Variants in PARVB observed in about 807,000 individuals in gnomAD.
PARVB encodes the protein parvin beta, also known as beta-parvin.
PARVB carries 46 observed loss-of-function variants against 47.0 expected under a neutral mutation model. The ratio of observed to expected loss-of-function variants is 0.98; its 90% confidence interval spans 0.77 to 1.25. PARVB has a LOEUF of 1.25. PARVB is among the 50% of genes most tolerant of loss of function. The pLI, the probability that PARVB is intolerant of heterozygous loss-of-function variation, is 0.00. For synonymous variants in PARVB, 196 were observed against 196.3 expected (o/e 1.00, Z 0.01); for missense variants, 473 against 471.6 (o/e 1.00, Z -0.03).
At chr22:44,166,507 C>T (rs1222138276) in intron 12 of PARVB, among the ~76,000 whole-genome samples, 5 of 152,218 alleles carry the variant, frequency 3.3e-5, no homozygotes, top group Non-Finnish European at 5.9e-5. Context: ...CCCCTGAGCC[C>T]GGATGTGTTT....
intron 3 of PARVB, chr22:44,107,205 T>C (rs1213130024): frequency 1.3e-5 from 2 of 152,274 alleles, no homozygotes; most frequent in African/African-American, 4.8e-5. Context: ...TCATCTTTGC[T>C]GGTGTTTCTT....
chr22:44,151,512 G>T lies in PARVB; in HGVS notation c.804G>T (p.Leu268=). 1 of 1,613,986 alleles carries T rather than the reference G, an allele frequency of 6.2e-7. No individual in the cohort carries two copies. Among genetic ancestry groups the T allele is most frequent in the South Asian group, 1.1e-5 (1 of 91,066 alleles). Residue 268 remains leucine (L), a synonymous_variant, in exon 10 of 13, where the codon CTG becomes CTT. Transcript: ENST00000338758. ...KSLITFVNKH[L]NKLNLEVTEL... ...TCATCACTTTTGTGAACAAGCACCT[G>T]AACAAGCTGAATTTGGAGGTGACGG...
At position 44,119,277 on chromosome 22, in the gene PARVB, G is replaced by C; in HGVS notation, c.376+137G>C. ...TCAAAGCTGCAGTGTGCATCTCCCA[G>C]GTGGTGCCCAGGCCCTGGGCTGTGG... On this transcript the variant is annotated intron_variant, in intron 4 of 12. Coordinates refer to ENST00000338758, the MANE Select transcript of PARVB (RefSeq NM_013327.5). 9 of 683,686 alleles carry C rather than the reference G, an allele frequency of 1.3e-5. 1 individual carries two copies. In the South Asian group the frequency reaches 1.5e-4, roughly 11 times the overall value. 42.4% of individuals were successfully genotyped at this position (683,686 alleles called of 1,614,324 possible).
At chr22:44,028,367 T>C (rs2050768949) in intron 1 of PARVB, among the ~76,000 whole-genome samples, 1 of 152,172 alleles carries the variant, frequency 6.6e-6, no homozygotes, top group Non-Finnish European at 1.5e-5. Flanking sequence ...TGTTTTTGCC[T>C]TTTCCAGACT....
intron 2 of PARVB, among the ~76,000 whole-genome samples, chr22:44,098,224 C>T (rs1214158040): frequency 6.6e-6 from 1 of 152,178 alleles, no homozygotes. Flanking sequence ...TCCTGCACCC[C>T]CTCTCATACA....
At chr22:44,003,415 A>G (rs2050432636) in intron 2 of PARVB, among the ~76,000 whole-genome samples, 1 of 152,152 alleles carries the variant, frequency 6.6e-6, no homozygotes, top group Non-Finnish European at 1.5e-5. Context: ...TTGACTTGAC[A>G]TCCATTCCAC....
chr22:44,110,129 A>G (rs1455115587), intron 3 of PARVB: 2 of 142,752 alleles, frequency 1.4e-5, no homozygotes, highest in East Asian at 2.1e-4. Context: ...AAAAAAAAAA[A>G]AAAAAAAAAA....
In PARVB at chr22:44,134,869, C is replaced by T. The variant is rs543054094; in HGVS notation, c.634-1591C>T. On this transcript the variant is annotated intron_variant, in intron 6 of 12. Transcript: ENST00000338758. ...ATAAAACCAAGATTTTACTACAAAC[C>T]TGTAAAACATCCAGCTTCATGTCTA... Among the ~76,000 whole-genome samples the T allele has an allele frequency of 2.0e-5, 3 of 152,346 alleles. No individual in the cohort carries two copies. The East Asian group carries it at 5.8e-4, about 29-fold the overall frequency.
intron 1 of PARVB, among the ~76,000 whole-genome samples, chr22:44,034,189 C>G (rs2050873880): frequency 6.7e-6 from 1 of 149,106 alleles, no homozygotes. Context: ...ACTGCAACAG[C>G]AATTATAATT....
At chr22:44,081,797 T>C (rs2051907487) in intron 1 of PARVB, among the ~76,000 whole-genome samples, 1 of 152,152 alleles carries the variant, frequency 6.6e-6, no homozygotes, top group Non-Finnish European at 1.5e-5. Context: ...TGGCATCCTC[T>C]TCTGAGAATT....
At chr22:44,015,131 G>A (rs1227379251) in intron 2 of PARVB, among the ~76,000 whole-genome samples, 2 of 151,026 alleles carry the variant, frequency 1.3e-5, no homozygotes, top group Non-Finnish European at 2.9e-5. Flanking sequence ...GATTACAGGC[G>A]CGAGCCACTG....
rs558401683 is a variant in PARVB at position 44,077,723 on chromosome 22, G to T, written c.113-16205G>T. ...TTTAAACCTTAGCAATGATATTGGA[G>T]GGGGATAGTTACTCTTTTTTTTTCT... is the stretch of plus-strand genomic sequence containing the variant. On this transcript the variant is annotated intron_variant, in intron 1 of 12. Coordinates refer to ENST00000338758, the MANE Select transcript of PARVB (RefSeq NM_013327.5). Among the ~76,000 whole-genome samples, 26 of 152,266 alleles carry T rather than the reference G, an allele frequency of 1.7e-4. No homozygotes were observed. In the South Asian group the frequency reaches 5.4e-3, roughly 32 times the overall value.
intron 3 of PARVB, among the ~76,000 whole-genome samples, chr22:44,116,438 C>T (rs893945371): frequency 3.3e-5 from 5 of 152,200 alleles, no homozygotes; most frequent in Non-Finnish European, 7.3e-5. Flanking sequence ...TGTGGGCGTC[C>T]GTGTGTCTCT....
intron 4 of PARVB, among the ~76,000 whole-genome samples, chr22:44,126,316 A>G (rs1217916393): frequency 1.3e-5 from 2 of 152,234 alleles, no homozygotes; most frequent in Non-Finnish European, 2.9e-5. Context: ...TGAAATGTTC[A>G]TCAAGATTGT....
intron 2 of PARVB, among the ~76,000 whole-genome samples, chr22:44,096,156 C>T (rs536935270): frequency 3.9e-5 from 6 of 152,134 alleles, no homozygotes; most frequent in South Asian, 2.1e-4. Flanking sequence ...ATCCAGGAGG[C>T]GGAGGTTGCA....
intron 6 of PARVB, among the ~76,000 whole-genome samples, chr22:44,133,389 G>A (rs962280042): frequency 3.3e-5 from 5 of 152,178 alleles, no homozygotes; most frequent in South Asian, 2.1e-4. Flanking sequence ...CTTTGCATTC[G>A]TTGGGGATTA....
chr22:44,078,466 G>A (rs2051825783), intron 1 of PARVB, among the ~76,000 whole-genome samples: 1 of 152,190 alleles, frequency 6.6e-6, no homozygotes, highest in African/African-American at 2.4e-5. Context: ...CATGGGGGAA[G>A]TGGTAAGGGA....
chr22:44,083,491 C>T (rs1409579429), intron 1 of PARVB, among the ~76,000 whole-genome samples: 2 of 152,064 alleles, frequency 1.3e-5, no homozygotes, highest in African/African-American at 2.4e-5. Flanking sequence ...GTCATGTGCA[C>T]GGGGAGCTGT....
intron 11 of PARVB, among the ~76,000 whole-genome samples, chr22:44,158,525 T>C (rs538871094): frequency 6.6e-6 from 1 of 152,352 alleles, no homozygotes; most frequent in African/African-American, 2.4e-5. Flanking sequence ...AACTTGAACA[T>C]GTTTCTATTG....
Sources: gnomAD v4.1 joint callset for allele counts (sites outside exome capture counted in the v4.1 genomes callset) on GRCh38, gnomAD v4.1.1 for gene constraint, MANE v1.5 for transcripts, NCBI Gene and HGNC (gene_info 2026-07-23, HGNC 2026-07-21) for gene names.